Variants in SMARCB1 observed in about 807,000 individuals in gnomAD.
SMARCB1 encodes SWI/SNF related BAF chromatin remodeling complex subunit B1, also known as SWI/SNF-related matrix-associated actin-dependent regulator of chromatin subfamily B member 1.
SMARCB1 carries 5 observed loss-of-function variants against 49.0 expected under a neutral mutation model. That is an observed-to-expected ratio of 0.10 (90% CI 0.05 to 0.21). The LOEUF is 0.21. Among genes scored for constraint, SMARCB1 ranks in the 10% least tolerant of loss-of-function variants. The pLI is 1.00. For synonymous variants in SMARCB1, 201 were observed against 200.1 expected (o/e 1.00, Z -0.04); for missense variants, 226 against 509.2 (o/e 0.44, Z 5.35).
intron 3 of SMARCB1, among the ~76,000 whole-genome samples, chr22:23,796,891 A>G (rs1443776950): frequency 6.6e-6 from 1 of 152,172 alleles, no homozygotes; most frequent in African/African-American, 2.4e-5. Context: ...AGTCAGCCCA[A>G]TAAGGGGACT....
Position 23,835,443 on chromosome 22 carries a change from C to T in SMARCB1, c.*1263C>T. The T allele has an allele frequency of 1.0e-6, 1 of 986,332 alleles. No individual in the cohort carries two copies. The highest frequency in any genetic ancestry group is 1.2e-6 in the Non-Finnish European group (1 of 830,598). 61.1% of individuals were successfully genotyped at this position (986,332 alleles called of 1,614,324 possible). On this transcript the variant is annotated 3_prime_UTR_variant, in exon 9 of 9. Coordinates refer to ENST00000644036, the MANE Select transcript of SMARCB1 (RefSeq NM_003073.5). ...TGTGCTCCCTGGAAGTGGGGTAGGG[C>T]CCCATGTGGGGCAGAGGCAGAGCTC...
intron 4 of SMARCB1, 142 bp downstream of exon 4, chr22:23,801,223 C>A: frequency 2.5e-6 from 3 of 1,190,548 alleles, no homozygotes; most frequent in Non-Finnish European, 3.7e-6. Flanking sequence ...CGCCTTTGAA[C>A]TGTTGTGTTT....
chr22:23,834,396 A>T lies in SMARCB1; in HGVS notation c.*216A>T. The T allele has an allele frequency of 4.0e-6, 1 of 250,602 alleles. No individual in the cohort carries two copies. Among genetic ancestry groups the T allele is most frequent in the Non-Finnish European group, 6.9e-6 (1 of 145,058 alleles). The allele number at this position is 250,602 out of a possible 1,614,324, so 15.5% of individuals were successfully genotyped here. On this transcript the variant is annotated 3_prime_UTR_variant, in exon 9 of 9. Transcript: ENST00000644036. Reference sequence around the variant, plus strand: ...CACCCCACCCTCCCTACCCCTCCCCAGTCTCTGGGGTCAGGAAGAAACCTT... The same window carrying T: ...CACCCCACCCTCCCTACCCCTCCCCTGTCTCTGGGGTCAGGAAGAAACCTT...
chr22:23,837,013 TGGGGATCCTTCTGAGGGTGGGGAGAGG>T lies in SMARCB1; in HGVS notation c.*2835_*2861del. 1.9e-6 allele frequency: 3 copies of T among 1,571,286 alleles called. No homozygotes were observed. Among genetic ancestry groups the T allele is most frequent in the Non-Finnish European group, 2.6e-6 (3 of 1,155,972 alleles). On this transcript the variant is annotated 3_prime_UTR_variant, in exon 9 of 9. Transcript: ENST00000644036. ...ACAGGCCAGCACAGGTCCCCATCGG[TGGGGATCCTTCTGAGGGTGGGGAGAGG>T]GAGGGAGGGCTCTCAACACTCACAG...
chr22:23,815,994 T>C (rs1466295258), intron 5 of SMARCB1: 3 of 152,816 alleles, frequency 2.0e-5, no homozygotes, highest in African/African-American at 2.4e-5. Context: ...CAGCGTGTCT[T>C]TAGGGCAGGG....
chr22:23,835,137 C>G lies in SMARCB1; in HGVS notation c.*957C>G. 1 of 1,368,936 alleles carries G rather than the reference C, an allele frequency of 7.3e-7. No individual in the cohort carries two copies. Among genetic ancestry groups the G allele is most frequent in the Non-Finnish European group, 9.4e-7 (1 of 1,064,234 alleles). The allele number at this position is 1,368,936 out of a possible 1,614,324, so 84.8% of individuals were successfully genotyped here. On this transcript the variant is annotated 3_prime_UTR_variant, in exon 9 of 9. Transcript: ENST00000644036. ...TAGCCCTCCCGGCCTGGTGCCAGCT[C>G]TTGGAGTTGACACGGTACAGGGAGG... is the stretch of plus-strand genomic sequence containing the variant.
In SMARCB1 at chr22:23,794,435, C is replaced by T. The variant is rs35855170; in HGVS notation, c.362+747C>T. ...CAGTGGCTTATGTTTGTAATCCCAG[C>T]GCTTTGGGAGGCCGAGGCATTGCTT... On this transcript the variant is annotated intron_variant, in intron 3 of 8. Transcript: ENST00000644036. Among the ~76,000 whole-genome samples the T allele has an allele frequency of 3.0e-3, 463 of 152,214 alleles. 3 individuals carry two copies. Among genetic ancestry groups the T allele is most frequent in the Middle Eastern group, 0.02 (6 of 294 alleles).
At chr22:23,813,706 T>C (rs570030817) in intron 5 of SMARCB1, among the ~76,000 whole-genome samples, 7 of 152,214 alleles carry the variant, frequency 4.6e-5, no homozygotes, top group Admixed American at 1.3e-4. Context: ...TTCCCCAAAT[T>C]GATATACAGA....
intron 6 of SMARCB1, among the ~76,000 whole-genome samples, chr22:23,822,777 G>A (rs762238431): frequency 6.6e-6 from 1 of 151,792 alleles, no homozygotes; most frequent in Non-Finnish European, 1.5e-5. Flanking sequence ...CTGCTCCCTG[G>A]GCACATTCAC....
intron 5 of SMARCB1, chr22:23,816,457 C>G: frequency 1.9e-6 from 1 of 538,518 alleles, no homozygotes; most frequent in Non-Finnish European, 3.4e-6. Context: ...TTGCTGGCCT[C>G]GCCTGGATCA....
rs1274606442 is a variant in SMARCB1, at chr22:23,834,340, A to G, written c.*160A>G. 38 of 782,186 alleles carry G rather than the reference A, an allele frequency of 4.9e-5. No homozygotes were observed. The East Asian group carries it at 9.6e-4, about 20-fold the overall frequency. 48.5% of individuals were successfully genotyped at this position (782,186 alleles called of 1,614,324 possible). A position where few individuals can be genotyped will look rare whatever the true frequency, so the allele number is the denominator to read the frequency against. ...TTCCAGGTGGCCCTTCCCGGCACAC[A>G]TTCCATTTGTTGAGCCCCAGTCCTG... On this transcript the variant is annotated 3_prime_UTR_variant, in exon 9 of 9. Transcript: ENST00000644036.
chr22:23,834,404 G>A lies in SMARCB1; in HGVS notation c.*224G>A. On this transcript the variant is annotated 3_prime_UTR_variant, in exon 9 of 9. Transcript: ENST00000644036. ...CCTCCCTACCCCTCCCCAGTCTCTG[G>A]GGTCAGGAAGAAACCTTATTTTAGG... 4 of 701,512 alleles carry A rather than the reference G, an allele frequency of 5.7e-6. No homozygotes were observed. Among genetic ancestry groups the A allele is most frequent in the Non-Finnish European group, 7.8e-6 (3 of 385,764 alleles). The allele number at this position is 701,512 out of a possible 1,614,324, so 43.5% of individuals were successfully genotyped here. A position where few individuals can be genotyped will look rare whatever the true frequency, so the allele number is the denominator to read the frequency against.
In SMARCB1 at chr22:23,835,166, C is replaced by G. The variant is rs2030943231; in HGVS notation, c.*986C>G. Reference sequence around the variant, plus strand: ...GAGTTGACACGGTACAGGGAGGAGACACAGCCCAGGGTCCCTTCCCAGCCC... The same window carrying G: ...GAGTTGACACGGTACAGGGAGGAGAGACAGCCCAGGGTCCCTTCCCAGCCC... On this transcript the variant is annotated 3_prime_UTR_variant, in exon 9 of 9. Transcript: ENST00000644036. 1.5e-6 allele frequency: 2 copies of G among 1,303,618 alleles called. No individual in the cohort carries two copies. The highest frequency in any genetic ancestry group is 1.5e-5 in the African/African-American group (1 of 65,564). 80.8% of individuals were successfully genotyped at this position (1,303,618 alleles called of 1,614,324 possible). A position where few individuals can be genotyped will look rare whatever the true frequency, so the allele number is the denominator to read the frequency against.
intron 5 of SMARCB1, among the ~76,000 whole-genome samples, chr22:23,808,813 C>T (rs1430480751): frequency 6.6e-6 from 1 of 151,806 alleles, no homozygotes; most frequent in East Asian, 1.9e-4. Context: ...ATTCTCCTGC[C>T]TCAGCCTCCT....
At chr22:23,833,376 T>A (rs533372555) in intron 7 of SMARCB1, among the ~76,000 whole-genome samples, 196 bp from the exon 8 acceptor site, 2 of 152,212 alleles carry the variant, frequency 1.3e-5, no homozygotes, top group African/African-American at 4.8e-5. Context: ...GCCCATGGGG[T>A]CATGGCGACA....
chr22:23,835,452 G>T lies in SMARCB1; in HGVS notation c.*1272G>T. On this transcript the variant is annotated 3_prime_UTR_variant, in exon 9 of 9. Coordinates refer to ENST00000644036, the MANE Select transcript of SMARCB1 (RefSeq NM_003073.5). ...TGGAAGTGGGGTAGGGCCCCATGTG[G>T]GGCAGAGGCAGAGCTCTGATTAGGG... The T allele has an allele frequency of 1.0e-6, 1 of 986,082 alleles. No individual in the cohort carries two copies. Among genetic ancestry groups the T allele is most frequent in the Non-Finnish European group, 1.2e-6 (1 of 830,420 alleles). 61.1% of individuals were successfully genotyped at this position (986,082 alleles called of 1,614,324 possible).
chr22:23,800,810 G>A (rs1188750569), intron 3 of SMARCB1, 134 bp from the exon 4 acceptor site: 9 of 801,236 alleles, frequency 1.1e-5, no homozygotes, highest in Middle Eastern at 2.5e-4. Context: ...GCAAAGTCAG[G>A]TGCACAGACA....
rs199845871 is a variant in SMARCB1 at position 23,836,823 on chromosome 22, G to A, written c.*2643G>A. 5,490 of 1,436,276 alleles carry A rather than the reference G, an allele frequency of 3.8e-3. 26 individuals are homozygous for A. The highest frequency in any genetic ancestry group is 0.019 in the South Asian group (1,216 of 63,196). The allele number at this position is 1,436,276 out of a possible 1,614,324, so 89.0% of individuals were successfully genotyped here. A position where few individuals can be genotyped will look rare whatever the true frequency, so the allele number is the denominator to read the frequency against. ...CTGCCCCAAGTAGGGGTCATGGGTA[G>A]GATGGAAGCTGCCAGAAGCCTCTTA... On this transcript the variant is annotated 3_prime_UTR_variant, in exon 9 of 9. Transcript: ENST00000644036.
chr22:23,825,958 T>C, intron 7 of SMARCB1: 1 of 157,536 alleles, frequency 6.3e-6, no homozygotes, highest in Admixed American at 6.0e-5. Flanking sequence ...CTGGCTGCCC[T>C]GGAAGATAGA....
Sources: allele counts gnomAD v4.1 joint callset (sites outside exome capture counted in the v4.1 genomes callset), GRCh38; gene constraint gnomAD v4.1.1; transcripts MANE v1.5; gene names NCBI Gene and HGNC (gene_info 2026-07-23, HGNC 2026-07-21).